CFAP221: variants seen among roughly 807,000 people sequenced by gnomAD.
The protein encoded by CFAP221 is cilia and flagella associated protein 221.
In CFAP221, 97 loss-of-function variants were observed where a neutral mutation model predicts 113.1. The ratio of observed to expected loss-of-function variants is 0.86; its 90% CI spans 0.73 to 1.02. The LOEUF (loss-of-function observed/expected upper bound fraction) is 1.02, where lower values mean the gene tolerates loss of function less well. CFAP221 is among the 50% of genes least tolerant of loss of function. CFAP221 has a pLI of 0.00. For missense variants in CFAP221, 1,025 were observed against 1,013.4 expected, an observed-to-expected ratio of 1.01 and a Z score of -0.16; for synonymous variants, 331 against 354.4, an observed-to-expected ratio of 0.93 and a Z score of 0.74.
intron 7 of CFAP221, among the ~76,000 whole-genome samples, chr2:119,592,125 A>G (rs767222753): frequency 2.0e-5 from 3 of 152,152 alleles, no homozygotes; most frequent in Non-Finnish European, 2.9e-5. Context: ...CTCTGTGCCT[A>G]TGTACAAAGA....
chr2:119,544,541 G>A (rs1226585621), intron 1 of CFAP221, 31 bp downstream of exon 1: 1 of 152,116 alleles, frequency 6.6e-6, no homozygotes, highest in African/African-American at 2.4e-5. Context: ...GGCCCGGGTG[G>A]CCCAGGGTCG....
At chr2:119,612,726 C>T (rs538554348) in intron 13 of CFAP221, among the ~76,000 whole-genome samples, 26 of 152,076 alleles carry the variant, frequency 1.7e-4, no homozygotes, top group African/African-American at 4.3e-4. Context: ...CAATTCAAGA[C>T]GGGATTTGGG....
chr2:119,659,865 C>T (rs2104831276), downstream of CFAP221, among the ~76,000 whole-genome samples: 1 of 152,356 alleles, frequency 6.6e-6, no homozygotes, highest in South Asian at 2.1e-4. Flanking sequence ...GTCCCTGCTT[C>T]TGTGGAGAGG....
chr2:119,630,402 A>C (rs1686683401), intron 17 of CFAP221, among the ~76,000 whole-genome samples, 168 bp from the exon 18 acceptor site: 1 of 152,196 alleles, frequency 6.6e-6, no homozygotes, highest in Non-Finnish European at 1.5e-5. Context: ...ACTTTCACTA[A>C]AGTCTGTGCA....
In CFAP221 at chr2:119,604,882, G is replaced by T; in HGVS notation, c.919G>T (p.Glu307Ter). 1 of 1,614,002 alleles carries T rather than the reference G, an allele frequency of 6.2e-7. No homozygotes were observed. Among genetic ancestry groups the T allele is most frequent in the South Asian group, 1.1e-5 (1 of 91,038 alleles). ...KPKPQKVKEIEYQNLRFPVDL... is the reference protein window; with the variant it reads ...KPKPQKVKEI ...TATTGATTTGGTCTCTTAGGAAATTGAGTACCAGAACCTCAGATTTCCAGT... is the reference window on the plus strand; with the variant it reads ...TATTGATTTGGTCTCTTAGGAAATTTAGTACCAGAACCTCAGATTTCCAGT... The change falls in exon 10 of 24, where the codon GAG becomes TAG. Residue 307 changes from glutamate (E) to a stop codon, truncating the protein, a stop_gained. Transcript: ENST00000413369. LOFTEE classifies it high-confidence loss of function.
At chr2:119,612,698 C>A (rs1685260567) in intron 13 of CFAP221, among the ~76,000 whole-genome samples, 1 of 152,080 alleles carries the variant, frequency 6.6e-6, no homozygotes, top group African/African-American at 2.4e-5. Context: ...AGGGTCATGT[C>A]TTGAATTATG....
At position 119,559,766 on chromosome 2, in the gene CFAP221, T is replaced by C. The variant is rs1573997279; in HGVS notation, c.318T>C (p.Tyr106=). 2 of 1,524,536 alleles carry C rather than the reference T, an allele frequency of 1.3e-6. No homozygotes were observed. Among genetic ancestry groups the C allele is most frequent in the East Asian group, 2.4e-5 (1 of 40,836 alleles). 94.4% of individuals were successfully genotyped at this position (1,524,536 alleles called of 1,614,324 possible). ...PPQTKYFEIN[Y]VRKEHHLVPG... Reference sequence around the variant, plus strand: ...AAACCAAATACTTTGAGATCAATTATGTAAGAAAGGTAAGCGTCATTGGTT... The same window carrying C: ...AAACCAAATACTTTGAGATCAATTACGTAAGAAAGGTAAGCGTCATTGGTT... The change falls in exon 4 of 24, where the codon TAT becomes TAC. Residue 106 remains tyrosine, a synonymous_variant. Coordinates refer to ENST00000413369, the MANE Select transcript of CFAP221 (RefSeq NM_001271049.2).
intron 2 of CFAP221, 99 bp downstream of exon 2, chr2:119,546,369 T>A (rs1003171067): frequency 7.7e-7 from 1 of 1,295,760 alleles, no homozygotes; most frequent in Admixed American, 2.8e-5. Context: ...GATTTATCTA[T>A]ATCATTTTAT....
chr2:119,634,266 G>A (rs886789527), intron 19 of CFAP221, among the ~76,000 whole-genome samples: 1 of 152,174 alleles, frequency 6.6e-6, no homozygotes, highest in East Asian at 1.9e-4. Context: ...GTTGAGCCCA[G>A]GAGTTTGAGA....
intron 6 of CFAP221, among the ~76,000 whole-genome samples, chr2:119,569,275 C>T (rs1681874575): frequency 1.3e-5 from 2 of 152,082 alleles, no homozygotes. Context: ...CCCACCACCA[C>T]ACCCAGCTAA....
intron 3 of CFAP221, among the ~76,000 whole-genome samples, chr2:119,559,483 C>G (rs1573996500): frequency 6.6e-6 from 1 of 152,046 alleles, no homozygotes; most frequent in East Asian, 1.9e-4. Context: ...AAAGTGGGGA[C>G]ATGGGGCACG....
chr2:119,621,246 T>C (rs1272023222), intron 14 of CFAP221, among the ~76,000 whole-genome samples: 1 of 145,802 alleles, frequency 6.9e-6, no homozygotes, highest in African/African-American at 2.5e-5. Context: ...AAAGCAGGGG[T>C]TGCAATCCTA....
At chr2:119,645,164 A>T in intron 21 of CFAP221, among the ~76,000 whole-genome samples, 2 of 142,320 alleles carry the variant, frequency 1.4e-5, no homozygotes, top group African/African-American at 2.6e-5. Context: ...CTTTCCTTCC[A>T]GTGTGTTTAT....
At chr2:119,555,458 C>T (rs182708616) in intron 3 of CFAP221, among the ~76,000 whole-genome samples, 21 of 152,338 alleles carry the variant, frequency 1.4e-4, no homozygotes, top group African/African-American at 4.8e-4. Context: ...ATTTAACATA[C>T]ACTTTCTAAG....
chr2:119,639,889 T>C lies in CFAP221; in HGVS notation c.2225+17T>C. On this transcript the variant is annotated intron_variant, in intron 21 of 23. Transcript: ENST00000413369. ...CACAAAGAGGTAAGCACAGCTCATC[T>C]GTTTGCTCACGAGTATGTGTGCCCC... 1 of 1,605,334 alleles carries C rather than the reference T, an allele frequency of 6.2e-7. No individual in the cohort carries two copies. Among genetic ancestry groups the C allele is most frequent in the Non-Finnish European group, 8.5e-7 (1 of 1,172,100 alleles).
intron 14 of CFAP221, among the ~76,000 whole-genome samples, chr2:119,622,691 C>T (rs1686015912): frequency 6.6e-6 from 1 of 152,186 alleles, no homozygotes; most frequent in South Asian, 2.1e-4. Context: ...AGCTTCATCC[C>T]TGGGATGCAA....
At chr2:119,561,454 G>A (rs1369026537) in intron 5 of CFAP221, among the ~76,000 whole-genome samples, 2 of 152,100 alleles carry the variant, frequency 1.3e-5, no homozygotes, top group Non-Finnish European at 2.9e-5. Flanking sequence ...CTTTTATGCA[G>A]TACTTTTGAC....
At position 119,562,000 on chromosome 2, in the gene CFAP221, C is replaced by A; in HGVS notation, c.427-14C>A. ...TTCAGAATGTTAAACTTGACTTTTT[C>A]TGGTTAATTTTAGGGAGATGACACT... On this transcript the variant is annotated splice_polypyrimidine_tract_variant and intron_variant, in intron 5 of 23. Coordinates refer to ENST00000413369, the MANE Select transcript of CFAP221 (RefSeq NM_001271049.2). 4 of 1,513,978 alleles carry A rather than the reference C, an allele frequency of 2.6e-6. No individual in the cohort carries two copies. The highest frequency in any genetic ancestry group is 2.7e-6 in the Non-Finnish European group (3 of 1,130,102). The allele number at this position is 1,513,978 out of a possible 1,614,324, so 93.8% of individuals were successfully genotyped here.
At chr2:119,639,551 A>G in intron 20 of CFAP221, among the ~76,000 whole-genome samples, 1 of 152,212 alleles carries the variant, frequency 6.6e-6, no homozygotes. Flanking sequence ...GCAAGTGCCT[A>G]ATGAAGCAAG....
Sources: allele counts gnomAD v4.1 joint callset (sites outside exome capture counted in the v4.1 genomes callset), GRCh38; gene constraint gnomAD v4.1.1; transcripts MANE v1.5; gene names NCBI Gene and HGNC (gene_info 2026-07-23, HGNC 2026-07-21).